SYT2: variants seen among roughly 807,000 people sequenced by gnomAD.
SYT2 encodes the protein synaptotagmin-2.
Under a neutral mutation model 39.9 loss-of-function variants are expected in SYT2, and 15 were observed. The observed-to-expected ratio is 0.38, with a 90% CI of 0.25 to 0.58. The LOEUF (loss-of-function observed/expected upper bound fraction) is 0.58, where lower values mean the gene tolerates loss of function less well. Ranked by LOEUF, SYT2 falls within the 20% of genes least tolerant of loss-of-function variation. The pLI is 0.70. For missense variants in SYT2, 389 were observed against 530.3 expected (o/e 0.73, Z 2.62); for synonymous variants, 181 against 204.5 (o/e 0.89, Z 0.98).
At chr1:202,664,843 G>C (rs531799924) in intron 1 of SYT2, among the ~76,000 whole-genome samples, 1 of 152,296 alleles carries the variant, frequency 6.6e-6, no homozygotes, top group Admixed American at 6.5e-5. Context: ...ATTTTTAGTA[G>C]AGACAGGGTT....
chr1:202,605,196 T>A (rs1478990189), intron 2 of SYT2: 3 of 173,076 alleles, frequency 1.7e-5, no homozygotes, highest in Admixed American at 1.1e-4. Flanking sequence ...GCATCTCTGG[T>A]GTCTCCTATA....
At chr1:202,674,299 G>A (rs1377548638) in intron 1 of SYT2, among the ~76,000 whole-genome samples, 1 of 152,040 alleles carries the variant, frequency 6.6e-6, no homozygotes, top group African/African-American at 2.4e-5. Flanking sequence ...GCAGGGTTTT[G>A]CCATATTGGC....
intron 1 of SYT2, among the ~76,000 whole-genome samples, chr1:202,636,822 A>C (rs1446244356): frequency 1.3e-5 from 2 of 152,240 alleles, no homozygotes; most frequent in African/African-American, 4.8e-5. Flanking sequence ...ACCTGATGGC[A>C]AGCTATTTCA....
At chr1:202,684,018 T>C (rs1653595050) in intron 1 of SYT2, among the ~76,000 whole-genome samples, 1 of 151,988 alleles carries the variant, frequency 6.6e-6, no homozygotes, top group Non-Finnish European at 1.5e-5. Flanking sequence ...TGTTATATAT[T>C]ATAATACATA....
chr1:202,617,600 TAC>T (rs1167834187), intron 1 of SYT2, among the ~76,000 whole-genome samples: 7 of 152,166 alleles, frequency 4.6e-5, no homozygotes, highest in Admixed American at 2.6e-4. Flanking sequence ...ATCAGACTAA[TAC>T]AGTCTACACA....
At chr1:202,667,146 A>G (rs1253596906) in intron 1 of SYT2, among the ~76,000 whole-genome samples, 1 of 152,164 alleles carries the variant, frequency 6.6e-6, no homozygotes, top group Admixed American at 6.5e-5. Flanking sequence ...CGGGGAAAAG[A>G]CTCAACCGAA....
At position 202,691,713 on chromosome 1, in the gene SYT2, GAGGGAGAGGGAGAGGGGGGGAGAGAGA is replaced by G. The variant is rs1558463275; in HGVS notation, c.-18+18518_-18+18544del. Among the ~76,000 whole-genome samples the G allele has an allele frequency of 1.7e-3, 103 of 59,154 alleles. 1 individual carries two copies. The highest frequency in any genetic ancestry group is 5.0e-3 in the African/African-American group (98 of 19,638). The allele number at this position is 59,154 out of a possible 152,430, so 38.8% of individuals were successfully genotyped here. ...AGAGGGAGAGGGAGAGGGAGAGGGA[GAGGGAGAGGGAGAGGGGGGGAGAGAGA>G]GAGAGAGAGAGAGAGAGAGAGAGAG... is the stretch of plus-strand genomic sequence containing the variant. On this transcript the variant is annotated intron_variant, in intron 1 of 8. Coordinates refer to ENST00000367268, the MANE Select transcript of SYT2 (RefSeq NM_177402.5).
rs147775319 is a variant in SYT2 at position 202,628,686 on chromosome 1, C to A, written c.-17-22897G>T. On this transcript the variant is annotated intron_variant, in intron 1 of 8. Coordinates refer to ENST00000367268, the MANE Select transcript of SYT2 (RefSeq NM_177402.5). This position sits in a 1 kb window ranked among gnomAD's most constrained non-coding sequence, Gnocchi z 4.2. ...AGGGATGAACCATGGCCTCAAAACA[C>A]CCATGGGCTGGAGGAGGGGAGCAGT... 0.02 allele frequency among the ~76,000 whole-genome samples: 2,987 copies of A among 152,290 alleles called. 48 individuals carry two copies. The highest frequency in any genetic ancestry group is 0.024 in the Middle Eastern group (7 of 294).
chr1:202,696,891 T>C (rs752411350), intron 1 of SYT2, among the ~76,000 whole-genome samples: 4 of 152,240 alleles, frequency 2.6e-5, no homozygotes, highest in Non-Finnish European at 2.9e-5. Context: ...AAGGATTTAA[T>C]GAGTCTATCT....
rs1054280313 is a variant in SYT2 at position 202,596,679 on chromosome 1, A to T, written c.*78T>A. 1.4e-5 allele frequency: 19 copies of T among 1,350,496 alleles called. No individual in the cohort carries two copies. The African/African-American group carries it at 1.5e-4, about 10-fold the overall frequency. 83.7% of individuals were successfully genotyped at this position (1,350,496 alleles called of 1,614,324 possible). ...AATGAAAGAAAAAAGAAAACCTCTA[A>T]GGTTGCATAACTGAGGTATTGATAG... On this transcript the variant is annotated 3_prime_UTR_variant, in exon 9 of 9. Coordinates refer to ENST00000367268, the MANE Select transcript of SYT2 (RefSeq NM_177402.5).
Position 202,599,027 on chromosome 1 carries a change from CT to C in SYT2, c.1053+190del, listed in dbSNP as rs1390491236. 1.3e-5 allele frequency among the ~76,000 whole-genome samples: 2 copies of C among 152,138 alleles called. No homozygotes were observed. The highest frequency in any genetic ancestry group is 1.3e-4 in the Admixed American group (2 of 15,288). On this transcript the variant is annotated intron_variant, in intron 8 of 8. Coordinates refer to ENST00000367268, the MANE Select transcript of SYT2 (RefSeq NM_177402.5). This position sits in a 1 kb window ranked among gnomAD's most constrained non-coding sequence, Gnocchi z 4.4. The stretch of plus-strand genomic sequence containing the variant: ...ATTTTTTGAATTAGTTCATGTTTAT[CT>C]CCTCAGAAAAGGGGGATCCCTGAAG...
In SYT2 at chr1:202,594,679, G is replaced by A. The variant is rs1690226980; in HGVS notation, c.*2078C>T. On this transcript the variant is annotated 3_prime_UTR_variant, in exon 9 of 9. Transcript: ENST00000367268. Reference sequence around the variant, plus strand: ...ACCGCAGTTCATAATCCTGATCAGAGTCTTACCTTCCCATCATTAAGTACA... The same window carrying A: ...ACCGCAGTTCATAATCCTGATCAGAATCTTACCTTCCCATCATTAAGTACA... 1 of 115,222 alleles carries A rather than the reference G, an allele frequency of 8.7e-6. No individual in the cohort carries two copies. Among genetic ancestry groups the A allele is most frequent in the African/African-American group, 2.8e-5 (1 of 35,450 alleles). 7.1% of individuals were successfully genotyped at this position (115,222 alleles called of 1,614,324 possible).
Position 202,695,765 on chromosome 1 carries a change from C to T in SYT2, c.-18+14493G>A, listed in dbSNP as rs978096586. On this transcript the variant is annotated intron_variant, in intron 1 of 8. Transcript: ENST00000367268. Reference sequence around the variant, plus strand: ...AGACCTTGTAAGGTCATCTATCGCCCCTGCCTCCATGCAAAACATCTCCCA... The same window carrying T: ...AGACCTTGTAAGGTCATCTATCGCCTCTGCCTCCATGCAAAACATCTCCCA... Among the ~76,000 whole-genome samples the T allele has an allele frequency of 4.6e-5, 7 of 152,186 alleles. No homozygotes were observed. In the East Asian group the frequency reaches 1.3e-3, roughly 29 times the overall value.
chr1:202,618,686 G>A lies in SYT2; in HGVS notation c.-17-12897C>T, dbSNP rs114288898. Among the ~76,000 whole-genome samples, 621 of 152,222 alleles carry A rather than the reference G, an allele frequency of 4.1e-3. 7 individuals are homozygous for A. Among genetic ancestry groups the A allele is most frequent in the African/African-American group, 0.014 (595 of 41,512 alleles). On this transcript the variant is annotated intron_variant, in intron 1 of 8. Transcript: ENST00000367268. ...ATGAGATGTTGCATGGGTAGAGACC[G>A]CATGTCCTTCCCACAGCCCACATCT... is the stretch of plus-strand genomic sequence containing the variant.
intron 1 of SYT2, among the ~76,000 whole-genome samples, chr1:202,690,399 T>C (rs1051364474): frequency 6.6e-6 from 1 of 152,222 alleles, no homozygotes; most frequent in African/African-American, 2.4e-5. Flanking sequence ...AGTACTGGGC[T>C]GCATGTTCCT....
chr1:202,640,192 A>G (rs1318965583), intron 1 of SYT2, among the ~76,000 whole-genome samples: 1 of 152,044 alleles, frequency 6.6e-6, no homozygotes, highest in African/African-American at 2.4e-5. Flanking sequence ...GACTGGAATC[A>G]CGGGGCAGTG....
At chr1:202,644,535 A>T (rs1572653974) in intron 1 of SYT2, among the ~76,000 whole-genome samples, 5 of 151,110 alleles carry the variant, frequency 3.3e-5, no homozygotes, top group Admixed American at 3.3e-4. Flanking sequence ...GCCATTAACC[A>T]CCCCTGACCT....
intron 1 of SYT2, among the ~76,000 whole-genome samples, chr1:202,672,274 A>T (rs1692604878): frequency 6.6e-6 from 1 of 152,198 alleles, no homozygotes; most frequent in East Asian, 1.9e-4. Context: ...TTTAACCCCC[A>T]GTGTGATGGT....
At chr1:202,637,987 C>T (rs1691788510) in intron 1 of SYT2, among the ~76,000 whole-genome samples, 1 of 152,244 alleles carries the variant, frequency 6.6e-6, no homozygotes, top group African/African-American at 2.4e-5. Context: ...GGTTTTCCAC[C>T]TAGCAGATTT....
Sources: gnomAD v4.1 joint callset for allele counts (sites outside exome capture counted in the v4.1 genomes callset) on GRCh38, gnomAD v4.1.1 for gene constraint, Gnocchi (gnomAD v3.1) non-coding constraint, MANE v1.5 for transcripts, NCBI Gene and HGNC (gene_info 2026-07-23, HGNC 2026-07-21) for gene names.